Variants in CNTN5 observed in about 807,000 individuals in gnomAD.
CNTN5 encodes contactin-5.
A neutral mutation model predicts 129.1 loss-of-function variants in CNTN5; 77 were observed. The ratio of observed to expected loss-of-function variants is 0.60; its 90% confidence interval spans 0.50 to 0.72. The LOEUF (loss-of-function observed/expected upper bound fraction) is 0.72. CNTN5 is among the 30% of genes least tolerant of loss of function. The pLI, the probability that CNTN5 is intolerant of heterozygous loss-of-function variation, is 0.00. For synonymous variants in CNTN5, 509 were observed against 465.6 expected (o/e 1.09, Z -1.20); for missense variants, 1,478 against 1,328.8 (o/e 1.11, Z -1.75).
At chr11:99,713,041 G>A (rs1393672851) in intron 3 of CNTN5, among the ~76,000 whole-genome samples, 2 of 152,082 alleles carry the variant, frequency 1.3e-5, no homozygotes, top group Non-Finnish European at 2.9e-5. Flanking sequence ...GTAGTTTGAT[G>A]GGGATAGCAT....
chr11:99,493,485 C>A (rs1946112233), intron 2 of CNTN5, among the ~76,000 whole-genome samples: 2 of 152,150 alleles, frequency 1.3e-5, no homozygotes, highest in Non-Finnish European at 2.9e-5. Context: ...GTAGCTCAAG[C>A]CAATGCTGTC....
At chr11:100,254,848 A>G (rs879473817) in intron 16 of CNTN5, among the ~76,000 whole-genome samples, 1 of 152,214 alleles carries the variant, frequency 6.6e-6, no homozygotes, top group Non-Finnish European at 1.5e-5. Flanking sequence ...AAAATAAAAC[A>G]TTATTGTGAC....
chr11:99,418,194 C>T (rs911874576), intron 2 of CNTN5, among the ~76,000 whole-genome samples: 1 of 151,974 alleles, frequency 6.6e-6, no homozygotes, highest in Non-Finnish European at 1.5e-5. Flanking sequence ...GGGATAATTT[C>T]ATGACTACAT....
At chr11:100,020,234 C>T (rs1941057037) in intron 9 of CNTN5, among the ~76,000 whole-genome samples, 1 of 151,974 alleles carries the variant, frequency 6.6e-6, no homozygotes. Context: ...GCTTTTTCCT[C>T]TGTTTTCTTT....
At position 99,257,250 on chromosome 11, in the gene CNTN5, G is replaced by A. The variant is rs74918830; in HGVS notation, c.-209-68096G>A. 6.3e-3 allele frequency among the ~76,000 whole-genome samples: 953 copies of A among 152,258 alleles called. 9 individuals are homozygous for A. Among genetic ancestry groups the A allele is most frequent in the African/African-American group, 0.02 (838 of 41,566 alleles). On this transcript the variant is annotated intron_variant, in intron 1 of 24. Coordinates refer to ENST00000524871, the MANE Select transcript of CNTN5 (RefSeq NM_014361.4). Reference sequence around the variant, plus strand: ...ATATTTACTCTGGAAAAGGTGCCATGTGAATAAAACCAGGAAGGAAGGGTA... The same window carrying A: ...ATATTTACTCTGGAAAAGGTGCCATATGAATAAAACCAGGAAGGAAGGGTA...
chr11:99,893,137 G>A (rs1949108980), intron 6 of CNTN5, among the ~76,000 whole-genome samples: 2 of 152,070 alleles, frequency 1.3e-5, no homozygotes, highest in Admixed American at 1.3e-4. Context: ...TTTTCATTTA[G>A]TAGGAAAATT....
At chr11:99,727,359 T>C (rs1943386161) in intron 3 of CNTN5, among the ~76,000 whole-genome samples, 1 of 147,302 alleles carries the variant, frequency 6.8e-6, no homozygotes. Context: ...GCTGCTATTG[T>C]GTGTTATTAG....
At chr11:99,098,617 T>G (rs995035199) in intron 1 of CNTN5, among the ~76,000 whole-genome samples, 1 of 152,098 alleles carries the variant, frequency 6.6e-6, no homozygotes, top group Non-Finnish European at 1.5e-5. Context: ...AAAACGATAG[T>G]CTTCGATTGT....
At chr11:99,161,391 CT>C (rs539322448) in intron 1 of CNTN5, among the ~76,000 whole-genome samples, 3 of 151,092 alleles carry the variant, frequency 2.0e-5, no homozygotes, top group Admixed American at 1.3e-4. Context: ...AACTTCTCCA[CT>C]TTTTTTTTAA....
At chr11:100,198,436 T>C (rs1293148119) in intron 15 of CNTN5, among the ~76,000 whole-genome samples, 4 of 150,176 alleles carry the variant, frequency 2.7e-5, no homozygotes, top group Non-Finnish European at 5.9e-5. Context: ...ACACACACAA[T>C]AGCTCACTGA....
intron 2 of CNTN5, among the ~76,000 whole-genome samples, chr11:99,411,544 A>T (rs1047246699): frequency 6.7e-6 from 1 of 148,922 alleles, no homozygotes; most frequent in South Asian, 2.1e-4. Context: ...AAATACAAAA[A>T]ATTTTTTTAA....
At chr11:99,414,183 G>A (rs906682973) in intron 2 of CNTN5, among the ~76,000 whole-genome samples, 4 of 152,074 alleles carry the variant, frequency 2.6e-5, no homozygotes, top group Non-Finnish European at 4.4e-5. Context: ...GTCTTATAAC[G>A]CATTAGTTCC....
At chr11:100,026,035 G>T (rs1649934969) in intron 9 of CNTN5, among the ~76,000 whole-genome samples, 1 of 152,130 alleles carries the variant, frequency 6.6e-6, no homozygotes, top group Non-Finnish European at 1.5e-5. Context: ...GGGGAAGAAT[G>T]ATATGTTTAG....
At chr11:99,335,257 C>T (rs541116314) in intron 2 of CNTN5, among the ~76,000 whole-genome samples, 18 of 152,152 alleles carry the variant, frequency 1.2e-4, no homozygotes, top group African/African-American at 4.3e-4. Flanking sequence ...CAAACCTCTG[C>T]AATCTTGTTC....
At chr11:99,962,503 C>G (rs1029710255) in intron 8 of CNTN5, among the ~76,000 whole-genome samples, 2 of 151,918 alleles carry the variant, frequency 1.3e-5, no homozygotes, top group Non-Finnish European at 2.9e-5. Flanking sequence ...TTTTTTATGG[C>G]TGCATAGTAT....
intron 2 of CNTN5, among the ~76,000 whole-genome samples, chr11:99,425,536 G>A (rs61220495): frequency 0.034 from 5,157 of 152,296 alleles, 290 homozygotes; most frequent in African/African-American, 0.12. Context: ...TAGGGGGCTG[G>A]CATAACAGCA....
At chr11:100,210,188 A>AG (rs1445456801) in intron 15 of CNTN5, among the ~76,000 whole-genome samples, 1 of 150,764 alleles carries the variant, frequency 6.6e-6, no homozygotes, top group African/African-American at 2.4e-5. Context: ...AAAAAAAAAA[A>AG]AAAAATACAA....
chr11:99,287,531 A>C (rs1863989268), intron 1 of CNTN5, among the ~76,000 whole-genome samples: 1 of 152,044 alleles, frequency 6.6e-6, no homozygotes, highest in Non-Finnish European at 1.5e-5. Context: ...TGCTTATCCA[A>C]ATTATACTGT....
chr11:99,180,708 A>T (rs145196867), intron 1 of CNTN5, among the ~76,000 whole-genome samples: 1 of 152,128 alleles, frequency 6.6e-6, no homozygotes, highest in African/African-American at 2.4e-5. Flanking sequence ...CTGATACTCA[A>T]TTGTAGGAAA....
Sources: gnomAD v4.1 joint callset for allele counts (sites outside exome capture counted in the v4.1 genomes callset) on GRCh38, gnomAD v4.1.1 for gene constraint, MANE v1.5 for transcripts, NCBI Gene and HGNC (gene_info 2026-07-23, HGNC 2026-07-21) for gene names.